ZNF83: variants seen among roughly 807,000 people sequenced by gnomAD.
ZNF83 encodes zinc finger protein 83, also known as zinc finger protein 816B.
For synonymous variants in ZNF83, 209 were observed against 213.0 expected (o/e 0.98, Z 0.17); for missense variants, 552 against 629.9 (o/e 0.88, Z 1.32).
intron 1 of ZNF83, among the ~76,000 whole-genome samples, chr19:52,667,747 C>T (rs12462310): frequency 0.59 from 89,548 of 151,834 alleles, 26,655 homozygotes; most frequent in Admixed American, 0.71. Context: ...ACATGCTCTT[C>T]AACAAAAATT....
rs1421710005 is a variant in ZNF83, at chr19:52,655,711, CAA to C, written c.-200-26_-200-25del. 5.4e-6 allele frequency: 5 copies of C among 920,626 alleles called. No individual in the cohort carries two copies. In the East Asian group the frequency reaches 1.2e-4, roughly 22 times the overall value. 57.0% of individuals were successfully genotyped at this position (920,626 alleles called of 1,614,324 possible). A position where few individuals can be genotyped will look rare whatever the true frequency, so the allele number is the denominator to read the frequency against. On this transcript the variant is annotated intron_variant, in intron 2 of 5. Coordinates refer to the ZNF83 transcript ENST00000594682. ...CCCTAAAATTAAACACACATTTCAA[CAA>C]AACATTAGGGAGGAGTCATTACCTT... is the stretch of plus-strand genomic sequence containing the variant.
At position 52,632,721 on chromosome 19, in the gene ZNF83, T is replaced by C. The variant is rs138354149; in HGVS notation, c.-234+2345A>G. 5.1e-3 allele frequency among the ~76,000 whole-genome samples: 776 copies of C among 152,326 alleles called. 5 individuals are homozygous for C. The highest frequency in any genetic ancestry group is 0.016 in the African/African-American group (685 of 41,560). On this transcript the variant is annotated intron_variant, in intron 2 of 2. Transcript: ENST00000301096. ...TATTAGATGTCGTAGTTCCTCCCAATTCTTAGTCCTTTAATACCTGTTTTT... is the reference window on the plus strand; with the variant it reads ...TATTAGATGTCGTAGTTCCTCCCAACTCTTAGTCCTTTAATACCTGTTTTT...
chr19:52,612,800 C>A, exon 3 of ZNF83: 1 of 489,452 alleles, frequency 2.0e-6, no homozygotes, highest in Non-Finnish European at 3.6e-6. Flanking sequence ...AGCAAGAATT[C>A]TTTGAAGAAT....
At chr19:52,679,451 A>T (rs541553180) in intron 1 of ZNF83, among the ~76,000 whole-genome samples, 27 of 152,222 alleles carry the variant, frequency 1.8e-4, no homozygotes, top group African/African-American at 6.0e-4. Flanking sequence ...ACTCTACTAA[A>T]AATACAAAAA....
intron 1 of ZNF83, chr19:52,636,191 T>C (rs1453195803): frequency 6.6e-6 from 1 of 151,502 alleles, no homozygotes; most frequent in Non-Finnish European, 1.5e-5. Flanking sequence ...GGCTCATCAC[T>C]GTGGTCCCAG....
At chr19:52,623,309 C>T (rs1377222349) in intron 2 of ZNF83, among the ~76,000 whole-genome samples, 1 of 152,086 alleles carries the variant, frequency 6.6e-6, no homozygotes, top group Non-Finnish European at 1.5e-5. Flanking sequence ...AAGTCCATCC[C>T]CTGTTTAATT....
intron 2 of ZNF83, among the ~76,000 whole-genome samples, chr19:52,624,331 A>G (rs1350521293): frequency 6.6e-6 from 1 of 152,076 alleles, no homozygotes; most frequent in Admixed American, 6.5e-5. Context: ...CTACCTTGGC[A>G]TAATTCTTCA....
chr19:52,662,981 G>A (rs6509662), intron 1 of ZNF83, among the ~76,000 whole-genome samples: 38,508 of 151,864 alleles, frequency 0.25, 5,144 homozygotes, highest in Middle Eastern at 0.35. Context: ...TGGGCAACAC[G>A]GTGAAATCCC....
intron 2 of ZNF83, among the ~76,000 whole-genome samples, chr19:52,629,098 C>T (rs2147145350): frequency 6.6e-6 from 1 of 152,184 alleles, no homozygotes; most frequent in African/African-American, 2.4e-5. Context: ...ACCTCTTCAA[C>T]TCTCACCTGA....
chr19:52,648,762 C>CGGCTG (rs549694624), intron 3 of ZNF83, among the ~76,000 whole-genome samples: 373 of 152,290 alleles, frequency 2.4e-3, no homozygotes, highest in Non-Finnish European at 4.1e-3. Context: ...TCATCCAACT[C>CGGCTG]ATCCTGAGAT....
exon 3 of ZNF83, chr19:52,655,658 T>C: frequency 7.6e-7 from 1 of 1,318,102 alleles, no homozygotes; most frequent in Non-Finnish European, 1.1e-6. Context: ...AAGAGAATTC[T>C]ATAGCCACAT....
intron 2 of ZNF83, among the ~76,000 whole-genome samples, chr19:52,620,689 G>A (rs2060510348): frequency 6.6e-6 from 1 of 152,196 alleles, no homozygotes. Context: ...TAGGCGTCAG[G>A]CCTCTGAGCC....
At chr19:52,676,495 G>A (rs1449499065) in intron 1 of ZNF83, among the ~76,000 whole-genome samples, 3 of 151,414 alleles carry the variant, frequency 2.0e-5, no homozygotes, top group Non-Finnish European at 3.0e-5. Context: ...CCGTCCGGGA[G>A]GGAGGTGGGG....
intron 2 of ZNF83, chr19:52,617,839 C>A (rs1009342657): frequency 2.0e-5 from 3 of 152,372 alleles, no homozygotes; most frequent in African/African-American, 4.8e-5. Flanking sequence ...GAGACTCCTG[C>A]TTATAAAAAG....
intron 1 of ZNF83, among the ~76,000 whole-genome samples, chr19:52,667,359 G>A (rs1337986022): frequency 6.6e-6 from 1 of 152,108 alleles, no homozygotes; most frequent in Non-Finnish European, 1.5e-5. Context: ...GTTGAGGCAT[G>A]TTGAAGAATT....
chr19:52,681,081 T>G (rs1407495841), intron 1 of ZNF83, among the ~76,000 whole-genome samples: 1 of 151,550 alleles, frequency 6.6e-6, no homozygotes, highest in Non-Finnish European at 1.5e-5. Context: ...GGTCAAGAGT[T>G]GGAAACCAGC....
At chr19:52,618,949 G>T (rs758354358) in intron 2 of ZNF83, 1 of 1,547,692 alleles carries the variant, frequency 6.5e-7, no homozygotes, top group Non-Finnish European at 8.8e-7. Context: ...GGGAGACCAG[G>T]TTCCTATAAT....
At position 52,634,922 on chromosome 19, in the gene ZNF83, G is replaced by A. The variant is rs746789454; in HGVS notation, c.-234+144C>T. On this transcript the variant is annotated intron_variant, in intron 2 of 2. Transcript: ENST00000301096. ...AAGAGATGGAATCTAAGTGAGATGA[G>A]AGGGACTGAGGGAAGGCATGGGTGA... 6 of 777,818 alleles carry A rather than the reference G, an allele frequency of 7.7e-6. No individual in the cohort carries two copies. In the East Asian group the frequency reaches 1.5e-4, roughly 20 times the overall value. 48.2% of individuals were successfully genotyped at this position (777,818 alleles called of 1,614,324 possible).
chr19:52,639,417 T>TTCTTTC (rs1555786094), upstream of ZNF83, among the ~76,000 whole-genome samples: 2 of 99,316 alleles, frequency 2.0e-5, no homozygotes, highest in Non-Finnish European at 4.1e-5. Context: ...TTTTTTCTAT[T>TTCTTTC]TTTTTTTTTT....
Sources: allele counts gnomAD v4.1 joint callset (sites outside exome capture counted in the v4.1 genomes callset), GRCh38; gene constraint gnomAD v4.1.1; transcripts MANE v1.5; gene names NCBI Gene and HGNC (gene_info 2026-07-23, HGNC 2026-07-21).